TUBGCP3: variants seen among roughly 807,000 people sequenced by gnomAD.
The protein encoded by TUBGCP3 is tubulin gamma complex component 3, also known as gamma-tubulin complex component 3.
In TUBGCP3, 50 loss-of-function variants were observed where a neutral mutation model predicts 123.1. The observed-to-expected ratio is 0.41, with a 90% CI of 0.32 to 0.51. TUBGCP3 has a LOEUF of 0.51. TUBGCP3 is among the 20% of genes least tolerant of loss of function. The pLI, the probability that TUBGCP3 is intolerant of heterozygous loss-of-function variation, is 0.36. For missense variants in TUBGCP3, 882 were observed against 1,127.0 expected (o/e 0.78, Z 3.11); for synonymous variants, 405 against 413.9 (o/e 0.98, Z 0.26).
At chr13:112,558,962 G>T (rs1403457261) in intron 4 of TUBGCP3, among the ~76,000 whole-genome samples, 1 of 152,134 alleles carries the variant, frequency 6.6e-6, no homozygotes, top group African/African-American at 2.4e-5. Context: ...CAAAAGTAAA[G>T]AATGCTCATA....
At chr13:112,576,254 C>T (rs1407012762) in intron 1 of TUBGCP3, among the ~76,000 whole-genome samples, 2 of 152,056 alleles carry the variant, frequency 1.3e-5, no homozygotes, top group Non-Finnish European at 2.9e-5. Context: ...ACTCCTTTCT[C>T]TTTCTCTATA....
At chr13:112,504,246 G>A (rs1406924614) in intron 18 of TUBGCP3, 83 bp from the exon 19 acceptor site, 38 of 1,545,554 alleles carry the variant, frequency 2.5e-5, no homozygotes, top group South Asian at 4.8e-5. Flanking sequence ...TACCACCTAT[G>A]GGAGGCCGAG....
At chr13:112,574,527 T>A (rs1474934047) in intron 1 of TUBGCP3, among the ~76,000 whole-genome samples, 1 of 152,202 alleles carries the variant, frequency 6.6e-6, no homozygotes, top group Non-Finnish European at 1.5e-5. Context: ...ACCAGAAAAG[T>A]GGATCTAAGA....
chr13:112,597,951 A>C, the TUBGCP3 span, among the ~76,000 whole-genome samples: 1 of 152,204 alleles, frequency 6.6e-6, no homozygotes, highest in Admixed American at 6.5e-5. Context: ...GCAATGATAA[A>C]AGTGCCACAA....
upstream of TUBGCP3, among the ~76,000 whole-genome samples, chr13:112,591,176 C>G (rs1413730200): frequency 6.6e-6 from 1 of 152,230 alleles, no homozygotes; most frequent in Non-Finnish European, 1.5e-5. Context: ...GGACTCCTAA[C>G]CAACCCTTGT....
At chr13:112,583,976 T>C (rs1408571256) in intron 1 of TUBGCP3, 2 of 152,204 alleles carry the variant, frequency 1.3e-5, no homozygotes, top group African/African-American at 4.8e-5. Context: ...AAGCCCACAA[T>C]ATTAATTCTG....
At chr13:112,569,344 T>A (rs961285819) in intron 1 of TUBGCP3, 85 bp from the exon 2 acceptor site, 1 of 1,209,160 alleles carries the variant, frequency 8.3e-7, no homozygotes, top group African/African-American at 1.5e-5. Context: ...GACAGTGAAC[T>A]AGTAATAACA....
chr13:112,522,736 T>C (rs1035043181), intron 13 of TUBGCP3, among the ~76,000 whole-genome samples: 1 of 152,190 alleles, frequency 6.6e-6, no homozygotes, highest in Non-Finnish European at 1.5e-5. Context: ...GACACCTACA[T>C]GTGTGTCTTC....
chr13:112,577,917 C>A (rs1881956519), intron 1 of TUBGCP3, among the ~76,000 whole-genome samples: 1 of 152,176 alleles, frequency 6.6e-6, no homozygotes, highest in South Asian at 2.1e-4. Context: ...AAAAAGCTTT[C>A]TTTGGTAAAC....
chr13:112,585,536 G>A (rs1322828899), intron 1 of TUBGCP3, among the ~76,000 whole-genome samples: 2 of 151,970 alleles, frequency 1.3e-5, no homozygotes, highest in African/African-American at 4.8e-5. Context: ...AAGCGGCAGG[G>A]GGGTGGGGTG....
intron 11 of TUBGCP3, among the ~76,000 whole-genome samples, chr13:112,535,100 A>C (rs1594159361): frequency 6.6e-6 from 1 of 152,174 alleles, no homozygotes; most frequent in Non-Finnish European, 1.5e-5. Flanking sequence ...ATTCACCCAC[A>C]CTGTAGCAAG....
chr13:112,578,408 A>AAT (rs1259304472), intron 1 of TUBGCP3, among the ~76,000 whole-genome samples: 5 of 149,220 alleles, frequency 3.4e-5, no homozygotes, highest in Non-Finnish European at 7.4e-5. Context: ...AAATACAAAA[A>AAT]ATTAGCCGGG....
chr13:112,556,382 A>G (rs1029548751), intron 5 of TUBGCP3, among the ~76,000 whole-genome samples, 158 bp from the exon 6 acceptor site: 1 of 152,214 alleles, frequency 6.6e-6, no homozygotes, highest in Non-Finnish European at 1.5e-5. Context: ...TATATCAATA[A>G]CAGACAGTCC....
chr13:112,504,012 T>C lies in TUBGCP3; in HGVS notation c.2307+20A>G, dbSNP rs1320808218. The C allele has an allele frequency of 1.3e-6, 2 of 1,583,272 alleles. No individual in the cohort carries two copies. Among genetic ancestry groups the C allele is most frequent in the African/African-American group, 2.7e-5 (2 of 73,998 alleles). Reference sequence around the variant, plus strand: ...GATGATTCTTTTGGTTTCTTGTTTCTAAGCAGGTCGGAGTCTTACCCTGGA... The same window carrying C: ...GATGATTCTTTTGGTTTCTTGTTTCCAAGCAGGTCGGAGTCTTACCCTGGA... On this transcript the variant is annotated intron_variant, in intron 19 of 21. Transcript: ENST00000261965.
intron 10 of TUBGCP3, chr13:112,547,020 A>G (rs1023181124): frequency 6.9e-5 from 11 of 158,610 alleles, no homozygotes; most frequent in Non-Finnish European, 1.2e-4. Context: ...AACGAGGGAG[A>G]AGGCAAAGAG....
At chr13:112,555,967 G>A (rs1879994054) in intron 6 of TUBGCP3, 85 bp downstream of exon 6, 1 of 1,420,976 alleles carries the variant, frequency 7.0e-7, no homozygotes, top group African/African-American at 1.4e-5. Flanking sequence ...TTTGAGGTGG[G>A]GCTCCTGGGC....
At chr13:112,502,271 T>C (rs1314460629) in intron 19 of TUBGCP3, among the ~76,000 whole-genome samples, 4 of 152,232 alleles carry the variant, frequency 2.6e-5, no homozygotes, top group African/African-American at 9.6e-5. Flanking sequence ...ACCCTCGGTC[T>C]ACCTGGCTGC....
intron 17 of TUBGCP3, among the ~76,000 whole-genome samples, chr13:112,506,022 C>A (rs145829386): frequency 2.8e-3 from 432 of 152,186 alleles, no homozygotes; most frequent in African/African-American, 9.8e-3. Flanking sequence ...CCAGCACTCA[C>A]CTAAATGAAA....
chr13:112,495,779 A>G (rs184308258), intron 20 of TUBGCP3, among the ~76,000 whole-genome samples: 3 of 152,234 alleles, frequency 2.0e-5, no homozygotes, highest in Non-Finnish European at 4.4e-5. Context: ...ATTCTGTTTT[A>G]TAAGTAAAAG....
Sources: gnomAD v4.1 joint callset for allele counts (sites outside exome capture counted in the v4.1 genomes callset) on GRCh38, gnomAD v4.1.1 for gene constraint, MANE v1.5 for transcripts, NCBI Gene and HGNC (gene_info 2026-07-23, HGNC 2026-07-21) for gene names.